Variants in EPHA4 observed in about 807,000 individuals in gnomAD.
EPHA4 encodes EPH receptor A4.
In EPHA4, 19 loss-of-function variants were observed where a neutral mutation model predicts 108.3. That is an observed-to-expected ratio of 0.18 (90% CI 0.12 to 0.26). The LOEUF is 0.26. Among genes scored for constraint, EPHA4 ranks in the 10% least tolerant of loss-of-function variants. The probability of loss-of-function intolerance (pLI) is 1.00; values close to 1 mark genes in which losing one functional copy is unlikely to be tolerated. For synonymous variants in EPHA4, 449 were observed against 455.5 expected (o/e 0.99, Z 0.18); for missense variants, 917 against 1,254.0 (o/e 0.73, Z 4.06).
chr2:221,563,833 C>A lies in EPHA4; in HGVS notation c.721G>T (p.Asp241Tyr). Reference protein sequence around the residue: ...GSCVNNSEEKDVPKMYCGADG... With the variant: ...GSCVNNSEEKYVPKMYCGADG... The stretch of plus-strand genomic sequence containing the variant: ...GCCCCACAGTACATTTTTGGCACAT[C>A]TTTCTCTTCTGAGTTGTTGACACAG... Residue 241 changes from aspartate to tyrosine, a missense_variant, in exon 3 of 18, where the codon GAT becomes TAT. Asp to Tyr is a radical substitution (Grantham distance 160). Transcript: ENST00000281821. The A allele has an allele frequency of 6.2e-7, 1 of 1,614,220 alleles. No individual in the cohort carries two copies. Among genetic ancestry groups the A allele is most frequent in the South Asian group, 1.1e-5 (1 of 91,090 alleles).
At chr2:221,525,543 C>T (rs894134085) in intron 3 of EPHA4, among the ~76,000 whole-genome samples, 17 of 152,106 alleles carry the variant, frequency 1.1e-4, no homozygotes, top group Non-Finnish European at 2.1e-4. Context: ...GACACAGGCT[C>T]GACAGTCAGA....
intron 3 of EPHA4, among the ~76,000 whole-genome samples, chr2:221,507,728 G>A (rs552730299): frequency 2.0e-5 from 3 of 152,270 alleles, no homozygotes; most frequent in African/African-American, 7.2e-5. Context: ...AACAGAAAGT[G>A]TTCAAGAGCT....
intron 3 of EPHA4, among the ~76,000 whole-genome samples, chr2:221,524,425 AAATGAG>A (rs374934852): frequency 1.8e-4 from 28 of 152,360 alleles, no homozygotes; most frequent in African/African-American, 6.5e-4. Flanking sequence ...CTTTTTGCTG[AAATGAG>A]AATGAGAATG....
intron 3 of EPHA4, among the ~76,000 whole-genome samples, chr2:221,527,901 A>C (rs1468540103): frequency 1.3e-5 from 2 of 152,162 alleles, no homozygotes. Flanking sequence ...GCTGCCCTGC[A>C]AACCCCTCCT....
intron 15 of EPHA4, among the ~76,000 whole-genome samples, chr2:221,427,218 C>T (rs936826067): frequency 1.3e-5 from 2 of 152,154 alleles, no homozygotes; most frequent in African/African-American, 4.8e-5. Flanking sequence ...GCACGAGTGC[C>T]AAGGCTGGCA....
At chr2:221,522,781 G>T (rs1181677730) in intron 3 of EPHA4, among the ~76,000 whole-genome samples, 34 of 147,680 alleles carry the variant, frequency 2.3e-4, no homozygotes, top group East Asian at 8.2e-4. Context: ...TTATTTTTTT[G>T]AGACGGAGTC....
At chr2:221,451,301 A>G (rs1690778048) in intron 8 of EPHA4, among the ~76,000 whole-genome samples, 1 of 152,206 alleles carries the variant, frequency 6.6e-6, no homozygotes, top group African/African-American at 2.4e-5. Flanking sequence ...ATGCTTTTGG[A>G]GATAACCTGA....
Position 221,572,146 on chromosome 2 carries a change from T to G in EPHA4, c.91+12A>C. On this transcript the variant is annotated intron_variant, in intron 1 of 17. Transcript: ENST00000281821. ...GCTGTCCCCGACCACAGAAAGGCCG[T>G]CCCGCTCTTACCTTCATTCGCGGGG... 6.2e-7 allele frequency: 1 copy of G among 1,611,716 alleles called. No homozygotes were observed. The highest frequency in any genetic ancestry group is 1.1e-5 in the South Asian group (1 of 90,998).
At chr2:221,452,137 A>G (rs1690806350) in intron 8 of EPHA4, among the ~76,000 whole-genome samples, 1 of 152,206 alleles carries the variant, frequency 6.6e-6, no homozygotes, top group South Asian at 2.1e-4. Context: ...CTGTCCATTG[A>G]CTTCCTTAGG....
rs543408595 is a variant in EPHA4 at position 221,563,614 on chromosome 2, G to C, written c.823+117C>G. ...TAGCACTTACTCATTAGACCCCTGT[G>C]TCCCACCACATCCCACAGGGGCTAC... On this transcript the variant is annotated intron_variant, in intron 3 of 17. Coordinates refer to ENST00000281821, the MANE Select transcript of EPHA4 (RefSeq NM_004438.5). 88 of 1,243,978 alleles carry C rather than the reference G, an allele frequency of 7.1e-5. 1 individual carries two copies. In the African/African-American group the frequency reaches 1.2e-3, roughly 17 times the overall value. The allele number at this position is 1,243,978 out of a possible 1,614,324, so 77.1% of individuals were successfully genotyped here.
chr2:221,421,254 A>C (rs998075794), intron 17 of EPHA4, among the ~76,000 whole-genome samples: 1 of 151,968 alleles, frequency 6.6e-6, no homozygotes, highest in Non-Finnish European at 1.5e-5. Flanking sequence ...GAGCCGAGAC[A>C]GCGCCACTGC....
chr2:221,540,763 A>G (rs1001763219), intron 3 of EPHA4, among the ~76,000 whole-genome samples: 1 of 152,086 alleles, frequency 6.6e-6, no homozygotes, highest in African/African-American at 2.4e-5. Flanking sequence ...TCATCTTTCC[A>G]TGACATAGAC....
intron 15 of EPHA4, among the ~76,000 whole-genome samples, chr2:221,428,724 T>G (rs1689985846): frequency 6.6e-6 from 1 of 152,202 alleles, no homozygotes; most frequent in African/African-American, 2.4e-5. Flanking sequence ...ACTTTTAATT[T>G]TTTTTAGTTC....
intron 4 of EPHA4, among the ~76,000 whole-genome samples, chr2:221,496,000 G>A (rs765230326): frequency 1.3e-5 from 2 of 152,146 alleles, no homozygotes; most frequent in Non-Finnish European, 2.9e-5. Flanking sequence ...CAAGGGAATT[G>A]GGTTTGTCAC....
At chr2:221,436,691 T>C in intron 12 of EPHA4, 83 bp from the exon 13 acceptor site, 1 of 1,392,784 alleles carries the variant, frequency 7.2e-7, no homozygotes. Context: ...TTGAATCTTT[T>C]TGGGTATCTG....
At chr2:221,511,760 A>C (rs1692839143) in intron 3 of EPHA4, among the ~76,000 whole-genome samples, 1 of 152,238 alleles carries the variant, frequency 6.6e-6, no homozygotes, top group Non-Finnish European at 1.5e-5. Flanking sequence ...ACAATTTAAA[A>C]ATAGAAGGCA....
intron 3 of EPHA4, among the ~76,000 whole-genome samples, chr2:221,546,271 T>G (rs1693995400): frequency 6.6e-6 from 1 of 152,150 alleles, no homozygotes; most frequent in Non-Finnish European, 1.5e-5. Context: ...TAGGTTTGGG[T>G]ATATGAGACT....
intron 5 of EPHA4, among the ~76,000 whole-genome samples, chr2:221,471,390 T>C (rs568624557): frequency 6.6e-6 from 1 of 152,304 alleles, no homozygotes; most frequent in African/African-American, 2.4e-5. Flanking sequence ...TCCTAAATAC[T>C]GGAGGAGTTT....
At chr2:221,436,248 T>TG (rs1690233625) in intron 13 of EPHA4, 151 bp downstream of exon 13, 1 of 697,928 alleles carries the variant, frequency 1.4e-6, no homozygotes, top group African/African-American at 1.8e-5. Context: ...ATTGGAAACA[T>TG]GGTTTAAAAA....
Sources: gnomAD v4.1 joint callset for allele counts (sites outside exome capture counted in the v4.1 genomes callset) on GRCh38, gnomAD v4.1.1 for gene constraint, MANE v1.5 for transcripts, NCBI Gene and HGNC (gene_info 2026-07-23, HGNC 2026-07-21) for gene names.